Variants in TLCD3A observed in about 807,000 individuals in gnomAD.
TLCD3A encodes the protein TLC domain containing 3A, also known as TLC domain-containing protein 3A.
In TLCD3A, 17 loss-of-function variants were observed where a neutral mutation model predicts 29.9. The observed-to-expected ratio is 0.57, with a 90% CI of 0.39 to 0.85. The LOEUF (loss-of-function observed/expected upper bound fraction) is 0.85, where lower values mean the gene tolerates loss of function less well. Ranked by LOEUF, TLCD3A falls within the 40% of genes least tolerant of loss-of-function variation. The pLI is 0.00. For synonymous variants in TLCD3A, 143 were observed against 147.7 expected, an observed-to-expected ratio of 0.97 and a Z score of 0.23; for missense variants, 332 against 350.8, an observed-to-expected ratio of 0.95 and a Z score of 0.43.
At chr17:739,442 G>C (rs1192138384) in intron 3 of TLCD3A, among the ~76,000 whole-genome samples, 4 of 152,192 alleles carry the variant, frequency 2.6e-5, no homozygotes, top group Non-Finnish European at 5.9e-5. Context: ...ACCTGCCTCA[G>C]CCTCCCAAAG....
At chr17:736,436 T>G (rs1027813854) in intron 2 of TLCD3A, among the ~76,000 whole-genome samples, 40 of 152,362 alleles carry the variant, frequency 2.6e-4, no homozygotes, top group African/African-American at 8.7e-4. Context: ...TGTGGAATGC[T>G]TATCACTGGG....
rs71357104 is a variant in TLCD3A, at chr17:740,501, G to A, written c.409-4G>A. ...ACTTCCCCTTTTCGTTTCGTCATCCGCAGAGGCTCCGGGGAGACCTTGGGG... is the reference window on the plus strand; with the variant it reads ...ACTTCCCCTTTTCGTTTCGTCATCCACAGAGGCTCCGGGGAGACCTTGGGG... On this transcript the variant is annotated splice_polypyrimidine_tract_variant and splice_region_variant and intron_variant, in intron 3 of 4. Transcript: ENST00000308278. 0.15 allele frequency: 249,210 copies of A among 1,611,882 alleles called. 21,323 individuals are homozygous for A. Among genetic ancestry groups the A allele is most frequent in the Middle Eastern group, 0.19 (1,142 of 6,054 alleles).
intron 2 of TLCD3A, among the ~76,000 whole-genome samples, chr17:734,835 A>C (rs1974130196): frequency 6.6e-6 from 1 of 151,934 alleles, no homozygotes; most frequent in Non-Finnish European, 1.5e-5. Context: ...TTCTCAATTT[A>C]AGTACTTAAT....
chr17:737,812 T>C (rs1433574687), intron 2 of TLCD3A, 34 bp from the exon 3 acceptor site: 1 of 1,597,268 alleles, frequency 6.3e-7, no homozygotes, highest in African/African-American at 1.3e-5. Flanking sequence ...ATATCCACAA[T>C]GATTTCACGG....
chr17:736,953 C>T (rs747427546), intron 2 of TLCD3A, among the ~76,000 whole-genome samples: 4 of 151,632 alleles, frequency 2.6e-5, no homozygotes, highest in South Asian at 2.1e-4. Flanking sequence ...CACGCCCAGC[C>T]TCCAGACCTG....
chr17:739,217 G>C (rs1438026876), intron 3 of TLCD3A, among the ~76,000 whole-genome samples: 1 of 150,612 alleles, frequency 6.6e-6, no homozygotes, highest in African/African-American at 2.4e-5. Flanking sequence ...TCATTTTTTT[G>C]AGATGGCGTT....
chr17:738,973 T>A (rs1159601363), intron 3 of TLCD3A, among the ~76,000 whole-genome samples: 1 of 152,152 alleles, frequency 6.6e-6, no homozygotes, highest in Non-Finnish European at 1.5e-5. Context: ...AATACAAATA[T>A]AATACAAAGC....
At chr17:740,209 C>T (rs1232330680) in intron 3 of TLCD3A, among the ~76,000 whole-genome samples, 1 of 152,206 alleles carries the variant, frequency 6.6e-6, no homozygotes, top group Non-Finnish European at 1.5e-5. Context: ...GGCTGAGTGT[C>T]TTGGCATGAC....
chr17:734,822 G>A (rs1283956029), intron 2 of TLCD3A, among the ~76,000 whole-genome samples: 1 of 151,990 alleles, frequency 6.6e-6, no homozygotes, highest in Non-Finnish European at 1.5e-5. Context: ...GCTCCAGGTG[G>A]TTTTCTCAAT....
At chr17:735,022 C>T (rs1012541198) in intron 2 of TLCD3A, among the ~76,000 whole-genome samples, 4 of 150,936 alleles carry the variant, frequency 2.7e-5, no homozygotes, top group East Asian at 2.0e-4. Flanking sequence ...TCCCCCTCCC[C>T]GCCGCCTTTC....
At chr17:740,873 G>A (rs547945000) in intron 4 of TLCD3A, among the ~76,000 whole-genome samples, 35 of 152,324 alleles carry the variant, frequency 2.3e-4, no homozygotes, top group South Asian at 1.0e-3. Flanking sequence ...CTAGTGCCAG[G>A]AGAGTGGGAT....
chr17:736,283 G>A (rs910538111), intron 2 of TLCD3A, among the ~76,000 whole-genome samples: 12 of 152,212 alleles, frequency 7.9e-5, no homozygotes, highest in African/African-American at 2.9e-4. Context: ...AGGTGATTCT[G>A]ATGTTCAGGT....
chr17:737,050 C>G (rs371589484), intron 2 of TLCD3A, among the ~76,000 whole-genome samples: 1 of 144,780 alleles, frequency 6.9e-6, no homozygotes, highest in Non-Finnish European at 1.5e-5. Context: ...CTCACTCTGT[C>G]GCCCAGGCTG....
Position 741,313 on chromosome 17 carries a change from C to T in TLCD3A, c.517C>T (p.His173Tyr). 1 of 1,614,170 alleles carries T rather than the reference C, an allele frequency of 6.2e-7. No individual in the cohort carries two copies. The highest frequency in any genetic ancestry group is 8.5e-7 in the Non-Finnish European group (1 of 1,180,036). ...TCTTCTATTGCAGCTAAAGCAGCAG[C>T]ACACCCTTCTGTACAAGGTGAATGG... is the stretch of plus-strand genomic sequence containing the variant. ...GRVLIQLKQQ[H>Y]TLLYKVNGIL... Residue 173 changes from histidine to tyrosine, a missense_variant, in exon 5 of 5, where the codon CAC becomes TAC. His to Tyr is a moderately conservative substitution (Grantham distance 83, BLOSUM62 2). Coordinates refer to ENST00000308278, the MANE Select transcript of TLCD3A (RefSeq NM_024792.3).
At chr17:736,893 A>G (rs1974162577) in intron 2 of TLCD3A, among the ~76,000 whole-genome samples, 1 of 152,072 alleles carries the variant, frequency 6.6e-6, no homozygotes, top group Non-Finnish European at 1.5e-5. Context: ...TGACCTTGTG[A>G]TTCACCTGCC....
intron 4 of TLCD3A, among the ~76,000 whole-genome samples, chr17:741,012 T>G (rs1477867653): frequency 6.6e-6 from 1 of 152,232 alleles, no homozygotes; most frequent in African/African-American, 2.4e-5. Flanking sequence ...CACACATACT[T>G]TAATCCACGG....
At chr17:740,263 T>C (rs1477841570) in intron 3 of TLCD3A, among the ~76,000 whole-genome samples, 2 of 152,160 alleles carry the variant, frequency 1.3e-5, no homozygotes, top group African/African-American at 2.4e-5. Flanking sequence ...TCCTTCCGGC[T>C]GTCATCAAAA....
chr17:732,742 G>A lies in TLCD3A; in HGVS notation c.95G>A (p.Arg32His). The change falls in exon 1 of 5, where the codon CGC (arginine) becomes CAC (histidine). Residue 32 changes from arginine to histidine, a missense_variant. Coordinates refer to ENST00000308278, the MANE Select transcript of TLCD3A (RefSeq NM_024792.3). ...ALRRSQPGWS[R>H]TDCVMISTRL... Reference sequence around the variant, plus strand: ...CGCCGCTCCCAGCCCGGATGGAGCCGCACCGACTGCGTGATGATCAGCACC... The same window carrying A: ...CGCCGCTCCCAGCCCGGATGGAGCCACACCGACTGCGTGATGATCAGCACC... The A allele has an allele frequency of 2.1e-6, 3 of 1,453,162 alleles. No individual in the cohort carries two copies. Among genetic ancestry groups the A allele is most frequent in the South Asian group, 1.3e-5 (1 of 76,104 alleles). The allele number at this position is 1,453,162 out of a possible 1,614,324, so 90.0% of individuals were successfully genotyped here. A position where few individuals can be genotyped will look rare whatever the true frequency, so the allele number is the denominator to read the frequency against.
intron 3 of TLCD3A, 58 bp downstream of exon 3, chr17:738,105 T>TTTTTTTTC (rs1974192081): frequency 7.6e-7 from 1 of 1,310,104 alleles, no homozygotes; most frequent in Non-Finnish European, 1.0e-6. Context: ...TCTTTTTTTT[T>TTTTTTTTC]TTTTTTTTCT....
Sources: allele counts gnomAD v4.1 joint callset (sites outside exome capture counted in the v4.1 genomes callset), GRCh38; gene constraint gnomAD v4.1.1; transcripts MANE v1.5; gene names NCBI Gene and HGNC (gene_info 2026-07-23, HGNC 2026-07-21).